HTR2A: variants seen among roughly 807,000 people sequenced by gnomAD.
HTR2A encodes 5-HT2 receptor.
A neutral mutation model predicts 31.0 loss-of-function variants in HTR2A; 14 were observed. The observed-to-expected ratio is 0.45, with a 90% CI of 0.30 to 0.71. The LOEUF is 0.71. Ranked by LOEUF, HTR2A falls within the 30% of genes least tolerant of loss-of-function variation. The pLI, the probability that HTR2A is intolerant of heterozygous loss-of-function variation, is 0.09. For synonymous variants in HTR2A, 209 were observed against 225.2 expected (o/e 0.93, Z 0.64); for missense variants, 442 against 573.3 (o/e 0.77, Z 2.34).
At chr13:46,841,635 G>A (rs769701191) in intron 3 of HTR2A, among the ~76,000 whole-genome samples, 11 of 152,130 alleles carry the variant, frequency 7.2e-5, no homozygotes, top group Non-Finnish European at 1.6e-4. Context: ...CACTGCAGAA[G>A]CTGGTGGCCT....
intron 3 of HTR2A, among the ~76,000 whole-genome samples, chr13:46,865,752 AAC>A (rs1394368617): frequency 6.6e-6 from 1 of 152,260 alleles, no homozygotes; most frequent in Non-Finnish European, 1.5e-5. Context: ...TCTATTGGAC[AAC>A]ACAGAACTAT....
intron 3 of HTR2A, among the ~76,000 whole-genome samples, chr13:46,859,665 C>T (rs150064233): frequency 1.3e-5 from 2 of 152,258 alleles, no homozygotes; most frequent in East Asian, 1.9e-4. Context: ...GTAATTTGTG[C>T]CTGCTTCCCC....
intron 3 of HTR2A, among the ~76,000 whole-genome samples, chr13:46,845,519 A>G (rs960812297): frequency 2.6e-5 from 4 of 152,048 alleles, no homozygotes; most frequent in African/African-American, 9.7e-5. Flanking sequence ...TCATCCATCA[A>G]TCAAGTAGTA....
At chr13:46,866,757 T>C (rs754887839) in intron 3 of HTR2A, among the ~76,000 whole-genome samples, 6 of 152,206 alleles carry the variant, frequency 3.9e-5, no homozygotes, top group Non-Finnish European at 7.3e-5. Flanking sequence ...CCAGGTACGG[T>C]GGCTCATGCC....
chr13:46,869,242 A>C (rs138899537), intron 3 of HTR2A, among the ~76,000 whole-genome samples: 99 of 152,308 alleles, frequency 6.5e-4, no homozygotes, highest in African/African-American at 2.1e-3. Flanking sequence ...CAACAAACAG[A>C]TAAAACAGCC....
chr13:46,885,048 CTG>C (rs1224969129), intron 3 of HTR2A, among the ~76,000 whole-genome samples: 2 of 152,066 alleles, frequency 1.3e-5, no homozygotes, highest in African/African-American at 4.8e-5. Context: ...TTGATATAGA[CTG>C]TTTTTTTTTC....
At chr13:46,875,311 G>GA (rs1457994366) in intron 3 of HTR2A, among the ~76,000 whole-genome samples, 1 of 152,136 alleles carries the variant, frequency 6.6e-6, no homozygotes, top group Non-Finnish European at 1.5e-5. Context: ...AATGGTAGGA[G>GA]AAAAATCAAT....
chr13:46,897,048 C>T lies in HTR2A; in HGVS notation c.-703G>A. On this transcript the variant is annotated 5_prime_UTR_variant, in exon 1 of 4. Coordinates refer to ENST00000542664, the MANE Select transcript of HTR2A (RefSeq NM_000621.5). ...CCTGGTTTCCACGGGAATGGAGTAG[C>T]TCTCTGACTGTCTCGTTCATTTCAT... is the stretch of plus-strand genomic sequence containing the variant. 2 of 540,570 alleles carry T rather than the reference C, an allele frequency of 3.7e-6. No homozygotes were observed. Among genetic ancestry groups the T allele is most frequent in the South Asian group, 4.9e-5 (2 of 41,224 alleles). 33.5% of individuals were successfully genotyped at this position (540,570 alleles called of 1,614,324 possible).
At chr13:46,860,478 C>A (rs574333512) in intron 3 of HTR2A, among the ~76,000 whole-genome samples, 1 of 152,246 alleles carries the variant, frequency 6.6e-6, no homozygotes, top group African/African-American at 2.4e-5. Context: ...GATTGCAGAA[C>A]AATCACCTTT....
chr13:46,835,223 T>A lies in HTR2A; in HGVS notation c.1030A>T (p.Ile344Phe). Residue 344 changes from isoleucine (I) to phenylalanine (F), a missense_variant, in exon 4 of 4, where the codon ATC (isoleucine) becomes TTC (phenylalanine). Ile to Phe is a conservative substitution (Grantham distance 21). This residue lies in a region of HTR2A where 174 missense variants were observed against 195.1 expected (regional missense o/e 0.89). Coordinates refer to ENST00000542664, the MANE Select transcript of HTR2A (RefSeq NM_000621.5). The stretch of plus-strand genomic sequence containing the variant: ...GACTCTTTGCAGATGACGGCCATGA[T>A]GTTTGTGATGAAGAAAGGGCACCAC... ...VMWCPFFITN[I>F]MAVICKESCN... 2 of 1,614,150 alleles carry A rather than the reference T, an allele frequency of 1.2e-6. No individual in the cohort carries two copies. The highest frequency in any genetic ancestry group is 1.7e-6 in the Non-Finnish European group (2 of 1,180,010).
intron 3 of HTR2A, among the ~76,000 whole-genome samples, chr13:46,883,778 C>T (rs1950985249): frequency 6.6e-6 from 1 of 152,162 alleles, no homozygotes; most frequent in African/African-American, 2.4e-5. Flanking sequence ...ACTAGGATCA[C>T]TCTCTCTCCA....
chr13:46,896,241 A>G lies in HTR2A; in HGVS notation c.-328-7T>C, dbSNP rs1951104175. The G allele has an allele frequency of 1.1e-5, 12 of 1,104,048 alleles. No homozygotes were observed. In the South Asian group the frequency reaches 4.5e-4, roughly 41 times the overall value. The allele number at this position is 1,104,048 out of a possible 1,614,324, so 68.4% of individuals were successfully genotyped here. On this transcript the variant is annotated splice_polypyrimidine_tract_variant and splice_region_variant and intron_variant, in intron 1 of 3. Coordinates refer to ENST00000542664, the MANE Select transcript of HTR2A (RefSeq NM_000621.5). ...GCTCGGGAAGATAAATGTCCTGGACAAAGAAGAAAAGTTTTATAACTACTG... is the reference window on the plus strand; with the variant it reads ...GCTCGGGAAGATAAATGTCCTGGACGAAGAAGAAAAGTTTTATAACTACTG...
intron 3 of HTR2A, among the ~76,000 whole-genome samples, chr13:46,864,747 T>TAG (rs1950806647): frequency 6.7e-6 from 1 of 148,626 alleles, no homozygotes; most frequent in African/African-American, 2.5e-5. Flanking sequence ...CATGGTGCTG[T>TAG]CAAGTCCTTA....
rs1950956828 is a variant in HTR2A, at chr13:46,880,985, C to T, written c.613+11405G>A. On this transcript the variant is annotated intron_variant, in intron 3 of 3. Transcript: ENST00000542664. ...TGAGCATGTTTTCCCAAAGATGAGG[C>T]TGAAGTCTGCCATGCAGAGAGAAGT... Among the ~76,000 whole-genome samples the T allele has an allele frequency of 2.6e-5, 4 of 152,224 alleles. No individual in the cohort carries two copies. The South Asian group carries it at 8.3e-4, about 32-fold the overall frequency.
intron 3 of HTR2A, among the ~76,000 whole-genome samples, chr13:46,843,422 A>G (rs1169862175): frequency 6.6e-6 from 1 of 152,180 alleles, no homozygotes; most frequent in Non-Finnish European, 1.5e-5. Context: ...TCTCTCTGTT[A>G]GAGTGAGAGG....
Position 46,878,309 on chromosome 13 carries a change from G to C in HTR2A, c.613+14081C>G, listed in dbSNP as rs74927628. Among the ~76,000 whole-genome samples the C allele has an allele frequency of 4.9e-4, 74 of 152,292 alleles. 1 individual carries two copies. The East Asian group carries it at 0.014, about 29-fold the overall frequency. On this transcript the variant is annotated intron_variant, in intron 3 of 3. Transcript: ENST00000542664. Reference sequence around the variant, plus strand: ...TTGCATGTGGAGCTTAGGAGGAGGAGAGGAATTCTGTGAGTCTAATGGGCT... The same window carrying C: ...TTGCATGTGGAGCTTAGGAGGAGGACAGGAATTCTGTGAGTCTAATGGGCT...
At chr13:46,873,495 G>A (rs1452135935) in intron 3 of HTR2A, among the ~76,000 whole-genome samples, 2 of 150,064 alleles carry the variant, frequency 1.3e-5, no homozygotes, top group East Asian at 1.9e-4. Context: ...TGTGCACAAT[G>A]TGCCGGTTAG....
intron 3 of HTR2A, among the ~76,000 whole-genome samples, chr13:46,855,701 G>C (rs573056539): frequency 2.6e-4 from 40 of 152,176 alleles, no homozygotes; most frequent in Non-Finnish European, 4.0e-4. Flanking sequence ...TTTTAGGACC[G>C]AGAAAAGTAA....
At chr13:46,891,056 A>T (rs998370729) in intron 3 of HTR2A, among the ~76,000 whole-genome samples, 5 of 152,346 alleles carry the variant, frequency 3.3e-5, no homozygotes, top group African/African-American at 1.2e-4. Context: ...AGGTACAGAA[A>T]GAACAGGGCA....
Sources: gnomAD v4.1 joint callset for allele counts (sites outside exome capture counted in the v4.1 genomes callset) on GRCh38, gnomAD v4.1.1 for gene constraint, gnomAD v4.1.1 regional missense constraint, MANE v1.5 for transcripts, NCBI Gene and HGNC (gene_info 2026-07-23, HGNC 2026-07-21) for gene names.